The following MXRA8 variants were observed in gnomAD, a reference collection of about 807,000 sequenced individuals.
MXRA8 encodes the protein matrix remodeling-associated protein 8.
MXRA8 carries 44 observed loss-of-function variants against 51.4 expected under a neutral mutation model. The observed-to-expected ratio is 0.86, with a 90% CI of 0.67 to 1.10. MXRA8 has a LOEUF of 1.10. MXRA8 is among the 50% of genes least tolerant of loss of function. The pLI is 0.00. For missense variants in MXRA8, 765 were observed against 638.9 expected, an observed-to-expected ratio of 1.20 and a Z score of -2.13; for synonymous variants, 369 against 293.5, an observed-to-expected ratio of 1.26 and a Z score of -2.63.
At position 1,354,995 on chromosome 1, in the gene MXRA8, G is replaced by A; in HGVS notation, c.636C>T (p.Pro212=). The A allele has an allele frequency of 6.2e-7, 1 of 1,600,114 alleles. No homozygotes were observed. The highest frequency in any genetic ancestry group is 8.5e-7 in the Non-Finnish European group (1 of 1,174,648). Residue 212 remains proline (P), a synonymous_variant, in exon 5 of 10, where the codon CCC becomes CCT. Transcript: ENST00000309212. ...QQVVHWDRQP[P]GVPHDRADRL... ...GGTCCGCGCGGTCGTGCGGGACCCC[G>A]GGCGGCTGCCGGTCCCAGTGCACCA...
chr1:1,360,624 C>T (rs544145270), upstream of MXRA8, among the ~76,000 whole-genome samples: 6 of 152,328 alleles, frequency 3.9e-5, no homozygotes, highest in South Asian at 1.2e-3. Flanking sequence ...CTGGCTAAGC[C>T]CCCAGCCAAA....
rs1389565600 is a variant in MXRA8 at position 1,354,218 on chromosome 1, C to T, written c.1120G>A (p.Asp374Asn). 3 of 1,612,456 alleles carry T rather than the reference C, an allele frequency of 1.9e-6. No individual in the cohort carries two copies. Among genetic ancestry groups the T allele is most frequent in the African/African-American group, 1.3e-5 (1 of 74,950 alleles). ...CCCTTTGACTTTCCCGACTTCTGGT[C>T]CGAGTATTCGTAGCCTGGGAAGGAG... Reference protein sequence around the residue: ...RRRRGGYEYSDQKSGKSKGKD... With the variant: ...RRRRGGYEYSNQKSGKSKGKD... Residue 374 changes from aspartate to asparagine, a missense_variant, in exon 7 of 10, where the codon GAC becomes AAC. Asp to Asn is a conservative substitution (Grantham distance 23). Coordinates refer to ENST00000309212, the MANE Select transcript of MXRA8 (RefSeq NM_032348.4).
rs751956096 is a variant in MXRA8 at position 1,354,174 on chromosome 1, C to G, written c.1145+19G>C. On this transcript the variant is annotated intron_variant, in intron 7 of 9. Transcript: ENST00000309212. The stretch of plus-strand genomic sequence containing the variant: ...AAGGGGGCCCTGGTCCCCAGGAGGG[C>G]CGGGAGGGGGGCACTCACCCCTTTG... The G allele has an allele frequency of 6.2e-7, 1 of 1,612,750 alleles. No individual in the cohort carries two copies. Among genetic ancestry groups the G allele is most frequent in the Non-Finnish European group, 8.5e-7 (1 of 1,179,976 alleles).
Position 1,354,375 on chromosome 1 carries a change from C to T in MXRA8, c.1084G>A (p.Ala362Thr). 1 of 1,611,812 alleles carries T rather than the reference C, an allele frequency of 6.2e-7. No homozygotes were observed. The highest frequency in any genetic ancestry group is 1.1e-5 in the South Asian group (1 of 90,992). ...FILLLVTVLLAARRRRGGYEY... is the reference protein window; with the variant it reads ...FILLLVTVLLTARRRRGGYEY... ...TCACCTCCGCGGCGCCTGCGGGCGGCCAGGAGGACAGTGACCAGTAGCAGG... is the reference window on the plus strand; with the variant it reads ...TCACCTCCGCGGCGCCTGCGGGCGGTCAGGAGGACAGTGACCAGTAGCAGG... Residue 362 changes from alanine (A) to threonine (T), a missense_variant, in exon 6 of 10, where the codon GCC becomes ACC. By Grantham distance (58) the Ala-to-Thr change is moderately conservative. Coordinates refer to ENST00000309212, the MANE Select transcript of MXRA8 (RefSeq NM_032348.4).
At chr1:1,361,013 CAG>C (rs1557688230), upstream of MXRA8, among the ~76,000 whole-genome samples, 12 of 150,786 alleles carry the variant, frequency 8.0e-5, no homozygotes, top group East Asian at 1.9e-4. Context: ...CGCGAAGACA[CAG>C]ACACATACAC....
chr1:1,359,556 G>T (rs1356737051), upstream of MXRA8: 1 of 982,974 alleles, frequency 1.0e-6, no homozygotes, highest in Non-Finnish European at 1.2e-6. Context: ...CCAGCTGGGT[G>T]GGGGGCTCAC....
At chr1:1,359,879 C>T (rs915836628), upstream of MXRA8, among the ~76,000 whole-genome samples, 1 of 152,136 alleles carries the variant, frequency 6.6e-6, no homozygotes, top group African/African-American at 2.4e-5. Context: ...GGCCTCGAGG[C>T]CTCTGCTGGC....
rs1644072441 is a variant in MXRA8, at chr1:1,354,375, C to A, written c.1084G>T (p.Ala362Ser). 1 of 1,611,694 alleles carries A rather than the reference C, an allele frequency of 6.2e-7. No individual in the cohort carries two copies. The highest frequency in any genetic ancestry group is 1.1e-5 in the South Asian group (1 of 90,996). The change falls in exon 6 of 10, where the codon GCC (alanine) becomes TCC (serine). Residue 362 changes from alanine to serine, a missense_variant. Ala to Ser is a moderately conservative substitution (Grantham distance 99, BLOSUM62 1). Transcript: ENST00000309212. ...TCACCTCCGCGGCGCCTGCGGGCGGCCAGGAGGACAGTGACCAGTAGCAGG... is the reference window on the plus strand; with the variant it reads ...TCACCTCCGCGGCGCCTGCGGGCGGACAGGAGGACAGTGACCAGTAGCAGG... The part of the protein sequence containing the change: ...FILLLVTVLL[A>S]ARRRRGGYEY...
rs1200788718 is a variant in MXRA8 at position 1,353,068 on chromosome 1, G to A, written c.*536C>T. The A allele has an allele frequency of 3.3e-6, 2 of 614,684 alleles. No individual in the cohort carries two copies. The highest frequency in any genetic ancestry group is 2.8e-5 in the East Asian group (1 of 35,496). 38.1% of individuals were successfully genotyped at this position (614,684 alleles called of 1,614,324 possible). On this transcript the variant is annotated 3_prime_UTR_variant, in exon 10 of 10. Coordinates refer to ENST00000309212, the MANE Select transcript of MXRA8 (RefSeq NM_032348.4). ...ACAGATGGTGCCTGGAGTCCCACAT[G>A]GTGGTACAGGTGGGGGAGCTCTCGG...
Position 1,353,498 on chromosome 1 carries a change from G to A in MXRA8, c.*106C>T, listed in dbSNP as rs1644044315. On this transcript the variant is annotated 3_prime_UTR_variant, in exon 10 of 10. Transcript: ENST00000309212. ...CCCAGGCCAAATTCCAGGAAAGCGG[G>A]ACCAGCCGCTGGAAGGGGGGTGAGC... The A allele has an allele frequency of 1.3e-6, 2 of 1,508,190 alleles. No homozygotes were observed. The highest frequency in any genetic ancestry group is 2.3e-5 in the Admixed American group (1 of 44,004). 93.4% of individuals were successfully genotyped at this position (1,508,190 alleles called of 1,614,324 possible). A position where few individuals can be genotyped will look rare whatever the true frequency, so the allele number is the denominator to read the frequency against.
rs767671864 is a variant in MXRA8 at position 1,354,731 on chromosome 1, G to T, written c.900C>A (p.Pro300=). 7 of 1,608,032 alleles carry T rather than the reference G, an allele frequency of 4.4e-6. No homozygotes were observed. Among genetic ancestry groups the T allele is most frequent in the Admixed American group, 3.4e-5 (2 of 59,660 alleles). ...TVAEPHAEPP[P]RGSPGNGSSH... ...TGGAGCCGTTGCCCGGAGAGCCCCG[G>T]GGGGGCGGCTCCGCGTGGGGTTCGG... Residue 300 remains proline (P), a synonymous_variant, in exon 5 of 10, where the codon CCC becomes CCA. Coordinates refer to ENST00000309212, the MANE Select transcript of MXRA8 (RefSeq NM_032348.4).
chr1:1,353,234 C>T lies in MXRA8; in HGVS notation c.*370G>A. 2 of 1,437,974 alleles carry T rather than the reference C, an allele frequency of 1.4e-6. No homozygotes were observed. The highest frequency in any genetic ancestry group is 1.9e-6 in the Non-Finnish European group (2 of 1,044,560). The allele number at this position is 1,437,974 out of a possible 1,614,324, so 89.1% of individuals were successfully genotyped here. A position where few individuals can be genotyped will look rare whatever the true frequency, so the allele number is the denominator to read the frequency against. ...GCAGAGCCCTGGAGGAGTGGGACTC[C>T]TGCCCTGAGGCTGACCCCAGTTTTG... On this transcript the variant is annotated 3_prime_UTR_variant, in exon 10 of 10. Transcript: ENST00000309212.
At chr1:1,358,659 G>T, upstream of MXRA8, 1 of 1,407,496 alleles carries the variant, frequency 7.1e-7, no homozygotes, top group South Asian at 1.6e-5. Flanking sequence ...GCTCCTGCCG[G>T]GCCCCTTGGC....
rs903006577 is a variant in MXRA8, at chr1:1,354,176, G to A, written c.1145+17C>T. 2 of 1,612,608 alleles carry A rather than the reference G, an allele frequency of 1.2e-6. No individual in the cohort carries two copies. Among genetic ancestry groups the A allele is most frequent in the African/African-American group, 1.3e-5 (1 of 74,942 alleles). The stretch of plus-strand genomic sequence containing the variant: ...GGGGGCCCTGGTCCCCAGGAGGGCC[G>A]GGAGGGGGGCACTCACCCCTTTGAC... On this transcript the variant is annotated intron_variant, in intron 7 of 9. Transcript: ENST00000309212.
At chr1:1,360,482 T>G (rs1399952748), upstream of MXRA8, among the ~76,000 whole-genome samples, 2 of 55,742 alleles carry the variant, frequency 3.6e-5, no homozygotes, top group Non-Finnish European at 8.0e-5. Context: ...GGGCTGGGAC[T>G]GTGGAGCCTC....
upstream of MXRA8, chr1:1,361,514 A>G: frequency 1.8e-6 from 1 of 559,860 alleles, no homozygotes; most frequent in Non-Finnish European, 3.2e-6. Flanking sequence ...ATGCCAGGCG[A>G]GGCCTGAGGA....
At chr1:1,353,723 G>T in intron 9 of MXRA8, 94 bp from the exon 10 acceptor site, 2 of 1,475,342 alleles carry the variant, frequency 1.4e-6, no homozygotes, top group Non-Finnish European at 1.8e-6. Context: ...ACTCCCCAGG[G>T]ATTTCTGAGC....
At position 1,354,065 on chromosome 1, in the gene MXRA8, T is replaced by C. The variant is rs562018828; in HGVS notation, c.1187A>G (p.Asp396Gly). The C allele has an allele frequency of 1.2e-4, 201 of 1,612,766 alleles. No homozygotes were observed. The highest frequency in any genetic ancestry group is 1.5e-4 in the Non-Finnish European group (182 of 1,179,968). Residue 396 changes from aspartate to glycine, a missense_variant, in exon 8 of 10, where the codon GAC becomes GGC. Transcript: ENST00000309212. ...NLAEFAVAAGDQMLYRSEDIQ... is the reference protein window; with the variant it reads ...NLAEFAVAAGGQMLYRSEDIQ... ...GTCCTCACTCCTGTAAAGCATCTGG[T>C]CCCCTGCAGCCACAGCGAACTCCGC...
rs539339426 is a variant in MXRA8, at chr1:1,355,369, G to C, written c.377-24C>G. 14 of 1,563,146 alleles carry C rather than the reference G, an allele frequency of 9.0e-6. No individual in the cohort carries two copies. The East Asian group carries it at 3.1e-4, about 34-fold the overall frequency. On this transcript the variant is annotated intron_variant, in intron 3 of 9. Coordinates refer to ENST00000309212, the MANE Select transcript of MXRA8 (RefSeq NM_032348.4). ...CGCTGCGCACCCAGGAGGAAGCCGC[G>C]CGTGAGCCTTGCGGTGCCCCCGACC...
Sources: allele counts gnomAD v4.1 joint callset (sites outside exome capture counted in the v4.1 genomes callset), GRCh38; gene constraint gnomAD v4.1.1; transcripts MANE v1.5; gene names NCBI Gene and HGNC (gene_info 2026-07-23, HGNC 2026-07-21).